Variants in NETO1 observed in about 807,000 individuals in gnomAD.
The protein encoded by NETO1 is neuropilin and tolloid like 1.
Under a neutral mutation model 61.3 loss-of-function variants are expected in NETO1, and 26 were observed. That is an observed-to-expected ratio of 0.42 (90% confidence interval 0.31 to 0.59). The LOEUF is 0.59. Among genes scored for constraint, NETO1 ranks in the 20% least tolerant of loss-of-function variants. The probability of loss-of-function intolerance (pLI) is 0.12; values close to 1 mark genes in which losing one functional copy is unlikely to be tolerated. For missense variants in NETO1, 531 were observed against 662.8 expected (o/e 0.80, Z 2.18); for synonymous variants, 225 against 225.8 (o/e 1.00, Z 0.03).
chr18:72,793,183 A>C (rs376546563), intron 6 of NETO1, among the ~76,000 whole-genome samples: 1 of 152,192 alleles, frequency 6.6e-6, no homozygotes, highest in Non-Finnish European at 1.5e-5. Flanking sequence ...CAATTAATGA[A>C]ATAGCACACA....
chr18:72,794,462 T>A, intron 4 of NETO1, 58 bp from the exon 5 acceptor site: 1 of 1,497,600 alleles, frequency 6.7e-7, no homozygotes, highest in Non-Finnish European at 9.1e-7. Context: ...TTACAGTGAG[T>A]TTAAGTTATT....
At chr18:72,866,671 C>T (rs540695458) in intron 1 of NETO1, 6 of 966,288 alleles carry the variant, frequency 6.2e-6, no homozygotes, top group African/African-American at 1.8e-5. Context: ...CTTATACTGC[C>T]TTTTACTCGA....
At chr18:72,802,619 G>A (rs984779709) in intron 4 of NETO1, among the ~76,000 whole-genome samples, 1 of 152,176 alleles carries the variant, frequency 6.6e-6, no homozygotes, top group Non-Finnish European at 1.5e-5. Context: ...CAAATTTTTG[G>A]TTAACTTTCC....
At chr18:72,836,327 T>C (rs1223512385) in intron 4 of NETO1, among the ~76,000 whole-genome samples, 1 of 152,222 alleles carries the variant, frequency 6.6e-6, no homozygotes, top group African/African-American at 2.4e-5. Context: ...GGAAGTCTTA[T>C]ACTTATCTCA....
intron 4 of NETO1, among the ~76,000 whole-genome samples, chr18:72,849,030 G>A (rs1177438194): frequency 2.0e-5 from 3 of 152,080 alleles, no homozygotes; most frequent in Admixed American, 1.3e-4. Context: ...AGAGCTTTAT[G>A]AGTCACACTC....
chr18:72,862,841 C>T (rs28535334), intron 3 of NETO1, among the ~76,000 whole-genome samples: 2,454 of 152,000 alleles, frequency 0.016, 48 homozygotes, highest in African/African-American at 0.052. Flanking sequence ...AGGATGGTCT[C>T]GATCTCCTGA....
chr18:72,866,949 C>T, intron 1 of NETO1: 1 of 421,780 alleles, frequency 2.4e-6, no homozygotes. Flanking sequence ...TCCACCTGCG[C>T]CCTCGCTTGG....
At chr18:72,742,750 A>G (rs1478793114), downstream of NETO1, 1 of 152,186 alleles carries the variant, frequency 6.6e-6, no homozygotes, top group African/African-American at 2.4e-5. Context: ...AAAAGTTACT[A>G]AAACTCTTCA....
chr18:72,762,823 C>T (rs557193253), intron 7 of NETO1, among the ~76,000 whole-genome samples: 33 of 152,278 alleles, frequency 2.2e-4, no homozygotes, highest in African/African-American at 6.3e-4. Flanking sequence ...TAAACCTATA[C>T]ATTACTAATT....
intron 4 of NETO1, among the ~76,000 whole-genome samples, chr18:72,802,477 A>G (rs759414743): frequency 2.6e-5 from 4 of 152,252 alleles, no homozygotes; most frequent in Non-Finnish European, 5.9e-5. Flanking sequence ...TGTCTAAAAA[A>G]TGAACGGATG....
intron 4 of NETO1, among the ~76,000 whole-genome samples, chr18:72,808,864 C>A (rs1446580622): frequency 6.6e-6 from 1 of 152,160 alleles, no homozygotes; most frequent in African/African-American, 2.4e-5. Flanking sequence ...GGACACATGG[C>A]AAGTGGAGGA....
chr18:72,772,767 A>ATATC (rs2071397610), intron 7 of NETO1, among the ~76,000 whole-genome samples: 1 of 141,494 alleles, frequency 7.1e-6, no homozygotes, highest in African/African-American at 2.6e-5. Context: ...ATCTATATAT[A>ATATC]TATATATATA....
At chr18:72,808,419 T>TTGTGTGTGTG (rs368047239) in intron 4 of NETO1, among the ~76,000 whole-genome samples, 7,784 of 141,770 alleles carry the variant, frequency 0.055, 259 homozygotes, top group South Asian at 0.071. Context: ...CACTGCAGAT[T>TTGTGTGTGTG]TGTGTGTGTG....
chr18:72,825,188 CAA>C (rs751885245), intron 4 of NETO1, among the ~76,000 whole-genome samples: 42 of 152,266 alleles, frequency 2.8e-4, no homozygotes, highest in African/African-American at 1.0e-3. Context: ...TGCGAAAACT[CAA>C]AGACTGGAAT....
chr18:72,767,706 CA>C (rs2071211744), intron 7 of NETO1, among the ~76,000 whole-genome samples: 1 of 151,304 alleles, frequency 6.6e-6, no homozygotes, highest in Non-Finnish European at 1.5e-5. Flanking sequence ...CAAACTCAAT[CA>C]AAAGCTTTAA....
intron 4 of NETO1, among the ~76,000 whole-genome samples, chr18:72,833,041 T>G (rs1056547612): frequency 2.6e-5 from 4 of 152,232 alleles, no homozygotes; most frequent in Non-Finnish European, 5.9e-5. Flanking sequence ...ATTCAAGAGA[T>G]GGACTGTAGT....
rs2070436714 is a variant in NETO1 at position 72,746,569 on chromosome 18, T to C, written c.*1610A>G. Among the ~76,000 whole-genome samples the C allele has an allele frequency of 6.6e-6, 1 of 152,040 alleles. No individual in the cohort carries two copies. Among genetic ancestry groups the C allele is most frequent in the African/African-American group, 2.4e-5 (1 of 41,416 alleles). ...CTCTTTGACTTTTCTATTATAAAAATTTATTTTCTATTTGCTTATTTTTTA... is the reference window on the plus strand; with the variant it reads ...CTCTTTGACTTTTCTATTATAAAAACTTATTTTCTATTTGCTTATTTTTTA... On this transcript the variant is annotated 3_prime_UTR_variant, in exon 11 of 11. Coordinates refer to ENST00000327305, the MANE Select transcript of NETO1 (RefSeq NM_138966.5).
chr18:72,777,721 G>C lies in NETO1; in HGVS notation c.868+5957C>G, dbSNP rs570038948. Among the ~76,000 whole-genome samples, 127 of 152,186 alleles carry C rather than the reference G, an allele frequency of 8.3e-4. No homozygotes were observed. The East Asian group carries it at 0.02, about 24-fold the overall frequency. ...TTGCGCCACTGCACTCCAGCCTGGG[G>C]GACAGAACGAGACTCCATCTCAAAT... On this transcript the variant is annotated intron_variant, in intron 7 of 10. Transcript: ENST00000327305.
rs1345581076 is a variant in NETO1 at position 72,745,787 on chromosome 18, AG to A, written c.*2391del. The A allele has an allele frequency of 6.6e-6, 1 of 152,278 alleles. No homozygotes were observed. The highest frequency in any genetic ancestry group is 1.5e-5 in the Non-Finnish European group (1 of 68,068). 9.4% of individuals were successfully genotyped at this position (152,278 alleles called of 1,614,324 possible). A position where few individuals can be genotyped will look rare whatever the true frequency, so the allele number is the denominator to read the frequency against. ...GCTGCACTCCCAAGTTTGAGCATCTAGAGTGAATGCCAGGAGAAAAGGCTAC... is the reference window on the plus strand; with the variant it reads ...GCTGCACTCCCAAGTTTGAGCATCTAAGTGAATGCCAGGAGAAAAGGCTAC... On this transcript the variant is annotated 3_prime_UTR_variant, in exon 11 of 11. Coordinates refer to ENST00000327305, the MANE Select transcript of NETO1 (RefSeq NM_138966.5).
Sources: gnomAD v4.1 joint callset for allele counts (sites outside exome capture counted in the v4.1 genomes callset) on GRCh38, gnomAD v4.1.1 for gene constraint, MANE v1.5 for transcripts, NCBI Gene and HGNC (gene_info 2026-07-23, HGNC 2026-07-21) for gene names.